ZNF469: variants seen among roughly 807,000 people sequenced by gnomAD.
ZNF469 encodes zinc finger protein 469.
In ZNF469, 1 loss-of-function variant was observed where a neutral mutation model predicts 1.0. The observed-to-expected ratio is 1.00, with a 90% CI of 0.35 to 4.73. The LOEUF is 4.73. ZNF469 is among the 30% of genes most tolerant of loss of function. The pLI is 0.16. For missense variants in ZNF469, 6,100 were observed against 5,356.3 expected, an observed-to-expected ratio of 1.14 and a Z score of -4.33; for synonymous variants, 2,703 against 2,363.4, an observed-to-expected ratio of 1.14 and a Z score of -4.17.
At chr16:88,188,086 A>G in the ZNF469 span, among the ~76,000 whole-genome samples, 2 of 152,048 alleles carry the variant, frequency 1.3e-5, no homozygotes, top group African/African-American at 4.8e-5. Context: ...TGATTCACGC[A>G]GTTTCCAAGC....
the ZNF469 span, among the ~76,000 whole-genome samples, chr16:88,332,680 A>T: frequency 6.6e-6 from 1 of 151,918 alleles, no homozygotes; most frequent in South Asian, 2.1e-4. Flanking sequence ...CCCCTAAGGG[A>T]CTCCAGAACC....
the ZNF469 span, among the ~76,000 whole-genome samples, chr16:88,167,806 C>A: frequency 6.6e-6 from 1 of 152,236 alleles, no homozygotes; most frequent in Non-Finnish European, 1.5e-5. Flanking sequence ...TGTTGTGTAA[C>A]AGAGGGATTC....
chr16:88,275,036 G>T, the ZNF469 span, among the ~76,000 whole-genome samples: 2 of 152,242 alleles, frequency 1.3e-5, 1 homozygote, highest in South Asian at 4.1e-4. Context: ...GTGGGAGGGG[G>T]TTTCCGGGAA....
chr16:88,291,321 A>C, the ZNF469 span, among the ~76,000 whole-genome samples: 1 of 152,000 alleles, frequency 6.6e-6, no homozygotes, highest in Non-Finnish European at 1.5e-5. Context: ...CCCACTACAC[A>C]CACTTGTTTG....
the ZNF469 span, among the ~76,000 whole-genome samples, chr16:88,322,203 T>C: frequency 2.0e-5 from 3 of 152,214 alleles, no homozygotes; most frequent in Non-Finnish European, 4.4e-5. Flanking sequence ...GAGCCCAGCG[T>C]GTCAGAGCCG....
the ZNF469 span, among the ~76,000 whole-genome samples, chr16:88,351,394 A>T: frequency 1.3e-5 from 2 of 152,016 alleles, no homozygotes; most frequent in Non-Finnish European, 2.9e-5. Flanking sequence ...TGGGATGAGG[A>T]CGTTAAATTC....
At chr16:88,167,340 G>C in the ZNF469 span, among the ~76,000 whole-genome samples, 3 of 152,130 alleles carry the variant, frequency 2.0e-5, no homozygotes, top group Admixed American at 2.0e-4. Context: ...GGGATTACAG[G>C]CGTGAGCCAC....
chr16:88,362,529 G>A, the ZNF469 span, among the ~76,000 whole-genome samples: 2 of 152,056 alleles, frequency 1.3e-5, no homozygotes, highest in South Asian at 2.1e-4. Flanking sequence ...ATAAAATTCT[G>A]GGTTGACATT....
At chr16:88,111,793 C>T in the ZNF469 span, among the ~76,000 whole-genome samples, 1 of 152,168 alleles carries the variant, frequency 6.6e-6, no homozygotes, top group Non-Finnish European at 1.5e-5. Context: ...CCCACCATCA[C>T]ACCCAGCTAA....
At chr16:88,348,226 GC>G in the ZNF469 span, among the ~76,000 whole-genome samples, 3 of 152,204 alleles carry the variant, frequency 2.0e-5, no homozygotes, top group Non-Finnish European at 4.4e-5. Context: ...CCGCCTTCCT[GC>G]CTCTTCTGGC....
At chr16:88,250,506 G>A in the ZNF469 span, among the ~76,000 whole-genome samples, 1 of 152,100 alleles carries the variant, frequency 6.6e-6, no homozygotes, top group African/African-American at 2.4e-5. Context: ...TCTTAGAACT[G>A]TAAATTTATG....
At chr16:88,361,902 C>T in the ZNF469 span, among the ~76,000 whole-genome samples, 1 of 152,148 alleles carries the variant, frequency 6.6e-6, no homozygotes, top group Admixed American at 6.5e-5. Context: ...GTGCCTGTGT[C>T]ATTGGTTGGA....
At chr16:88,233,214 CT>C in the ZNF469 span, among the ~76,000 whole-genome samples, 8 of 152,228 alleles carry the variant, frequency 5.3e-5, no homozygotes, top group African/African-American at 1.9e-4. Context: ...AGCATCTCCC[CT>C]CCCACAGTGC....
At chr16:88,116,753 A>G in the ZNF469 span, among the ~76,000 whole-genome samples, 1 of 152,160 alleles carries the variant, frequency 6.6e-6, no homozygotes, top group East Asian at 1.9e-4. Flanking sequence ...GACGCTGTTT[A>G]TGGAACTGGC....
chr16:88,403,795 G>C (rs1272048983), intron 1 of ZNF469, among the ~76,000 whole-genome samples: 3 of 152,212 alleles, frequency 2.0e-5, no homozygotes, highest in South Asian at 2.1e-4. Flanking sequence ...GCCAAGCCCT[G>C]GGCCTGTCTG....
At chr16:88,293,428 G>A in the ZNF469 span, among the ~76,000 whole-genome samples, 104 of 152,236 alleles carry the variant, frequency 6.8e-4, 1 homozygote, top group East Asian at 0.019. Flanking sequence ...TGGATGGATG[G>A]TTAAATCGGT....
the ZNF469 span, among the ~76,000 whole-genome samples, chr16:88,267,522 G>T: frequency 6.6e-6 from 1 of 152,236 alleles, no homozygotes; most frequent in Non-Finnish European, 1.5e-5. Flanking sequence ...CACGTGGTCA[G>T]TGAGGCTGGA....
chr16:88,404,078 G>A (rs1246943284), intron 1 of ZNF469, among the ~76,000 whole-genome samples: 1 of 152,212 alleles, frequency 6.6e-6, no homozygotes, highest in Non-Finnish European at 1.5e-5. Context: ...GGATCCTTTA[G>A]AAAAACAGTG....
chr16:88,316,429 G>GT, the ZNF469 span, among the ~76,000 whole-genome samples: 1 of 152,100 alleles, frequency 6.6e-6, no homozygotes, highest in Non-Finnish European at 1.5e-5. Context: ...TCCTTCCGGG[G>GT]TTTTCATGAG....
Sources: allele counts gnomAD v4.1 joint callset (sites outside exome capture counted in the v4.1 genomes callset), GRCh38; gene constraint gnomAD v4.1.1; transcripts MANE v1.5; gene names NCBI Gene and HGNC (gene_info 2026-07-23, HGNC 2026-07-21).